The following PDE12 variants were observed in gnomAD, a reference collection of about 807,000 sequenced individuals.
PDE12 encodes 2',5'-phosphodiesterase 12.
PDE12 carries 26 observed loss-of-function variants against 45.4 expected under a neutral mutation model. The ratio of observed to expected loss-of-function variants is 0.57; its 90% confidence interval spans 0.42 to 0.79. PDE12 has a LOEUF of 0.79. Among genes scored for constraint, PDE12 ranks in the 30% least tolerant of loss-of-function variants. The pLI is 0.00. For synonymous variants in PDE12, 283 were observed against 323.9 expected, an observed-to-expected ratio of 0.87 and a Z score of 1.36; for missense variants, 668 against 790.0, an observed-to-expected ratio of 0.85 and a Z score of 1.85.
the PDE12 span, among the ~76,000 whole-genome samples, chr3:57,607,661 G>T: frequency 6.6e-6 from 1 of 152,120 alleles, no homozygotes; most frequent in African/African-American, 2.4e-5. Context: ...TCACATGAAT[G>T]AAATGAATCA....
the PDE12 span, chr3:57,634,791 T>C: frequency 1.3e-6 from 2 of 1,519,428 alleles, no homozygotes; most frequent in African/African-American, 2.8e-5. Flanking sequence ...AGCATAAAGA[T>C]TTTTATAATT....
At chr3:57,631,252 A>T in the PDE12 span, 4 of 326,240 alleles carry the variant, frequency 1.2e-5, no homozygotes, top group East Asian at 2.6e-4. Flanking sequence ...GCTGGAGTGC[A>T]ATGGCATGAT....
the PDE12 span, among the ~76,000 whole-genome samples, chr3:57,649,425 C>T: frequency 6.6e-6 from 1 of 151,684 alleles, no homozygotes; most frequent in Admixed American, 6.6e-5. Context: ...ACTAGTACAA[C>T]CACTATGGAA....
chr3:57,638,808 A>T, the PDE12 span, among the ~76,000 whole-genome samples: 1 of 151,702 alleles, frequency 6.6e-6, no homozygotes, highest in Non-Finnish European at 1.5e-5. Context: ...ATCAAAAAAA[A>T]TGAAAAATAA....
the PDE12 span, chr3:57,597,678 C>T: frequency 6.5e-6 from 1 of 153,638 alleles, no homozygotes; most frequent in Non-Finnish European, 1.5e-5. Flanking sequence ...GGGTGAGACG[C>T]TTCCGCCCGG....
At chr3:57,634,434 CAAAAAA>C in the PDE12 span, 78 of 280,498 alleles carry the variant, frequency 2.8e-4, no homozygotes, top group Middle Eastern at 1.1e-3. Context: ...CTCTGTCTCC[CAAAAAA>C]AAAAAAAAAA....
chr3:57,609,335 C>G, the PDE12 span, among the ~76,000 whole-genome samples: 1 of 151,994 alleles, frequency 6.6e-6, no homozygotes, highest in Admixed American at 6.6e-5. Flanking sequence ...ACTAGAGAAG[C>G]AAGAGCAAAC....
Position 57,560,285 on chromosome 3 carries a change from G to T in PDE12, c.*281G>T. On this transcript the variant is annotated 3_prime_UTR_variant, in exon 3 of 3. Transcript: ENST00000311180. Reference sequence around the variant, plus strand: ...CTCCAAATTGAGACTCTCAGAAAAGGAAGATTGAATTAGCGTGTTTTTTGT... The same window carrying T: ...CTCCAAATTGAGACTCTCAGAAAAGTAAGATTGAATTAGCGTGTTTTTTGT... The T allele has an allele frequency of 8.5e-7, 1 of 1,180,444 alleles. No homozygotes were observed. Among genetic ancestry groups the T allele is most frequent in the Non-Finnish European group, 1.0e-6 (1 of 953,084 alleles). 73.1% of individuals were successfully genotyped at this position (1,180,444 alleles called of 1,614,324 possible).
rs138526712 is a variant in PDE12, at chr3:57,563,058, G to A, written c.*3054G>A. The A allele has an allele frequency of 6.6e-6, 1 of 152,328 alleles. No individual in the cohort carries two copies. The highest frequency in any genetic ancestry group is 1.9e-4 in the East Asian group (1 of 5,190). 9.4% of individuals were successfully genotyped at this position (152,328 alleles called of 1,614,324 possible). On this transcript the variant is annotated 3_prime_UTR_variant, in exon 3 of 3. Coordinates refer to ENST00000311180, the MANE Select transcript of PDE12 (RefSeq NM_177966.7). ...ATTCTCCAGCCGTGAAATAAAGGCAGAGGTTCCCTGCAAACTAGTTTGGTT... is the reference window on the plus strand; with the variant it reads ...ATTCTCCAGCCGTGAAATAAAGGCAAAGGTTCCCTGCAAACTAGTTTGGTT...
rs1440402193 is a variant in PDE12, at chr3:57,556,891, G to T, written c.512G>T (p.Arg171Leu). The change falls in exon 1 of 3, where the codon CGC (arginine) becomes CTC (leucine). Residue 171 changes from arginine (R) to leucine (L), a missense_variant. By Grantham distance (102) the Arg-to-Leu change is moderately radical. Transcript: ENST00000311180. The surrounding 1 kb of genome is among the most constrained non-coding windows in gnomAD (Gnocchi z 5.0). Reference sequence around the variant, plus strand: ...GCCTTCACCGAACTGCAGTTGCCGCGCTACATCATGGCCGGGTTCCCTGTG... The same window carrying T: ...GCCTTCACCGAACTGCAGTTGCCGCTCTACATCATGGCCGGGTTCCCTGTG... ...PPAFTELQLPRYIMAGFPVCP... is the reference protein window; with the variant it reads ...PPAFTELQLPLYIMAGFPVCP... 6 of 1,614,046 alleles carry T rather than the reference G, an allele frequency of 3.7e-6. No individual in the cohort carries two copies. In the African/African-American group the frequency reaches 8.0e-5, roughly 22 times the overall value.
At chr3:57,654,752 C>T in the PDE12 span, 2 of 985,286 alleles carry the variant, frequency 2.0e-6, no homozygotes, top group African/African-American at 3.5e-5. Flanking sequence ...AGCGCCTACA[C>T]TCAACTGTAT....
At chr3:57,653,512 G>A in the PDE12 span, among the ~76,000 whole-genome samples, 1 of 152,070 alleles carries the variant, frequency 6.6e-6, no homozygotes, top group South Asian at 2.1e-4. Context: ...TTGGGAGGCT[G>A]AGGCGGGCAG....
the PDE12 span, among the ~76,000 whole-genome samples, chr3:57,645,505 G>A: frequency 6.6e-6 from 1 of 151,894 alleles, no homozygotes; most frequent in Non-Finnish European, 1.5e-5. Context: ...GCTCAAATAA[G>A]GTACTAACTC....
the PDE12 span, among the ~76,000 whole-genome samples, chr3:57,593,524 C>T: frequency 6.6e-6 from 1 of 152,182 alleles, no homozygotes; most frequent in Non-Finnish European, 1.5e-5. Context: ...TACAGAACTA[C>T]ACTGGCATAC....
At chr3:57,596,629 G>A in the PDE12 span, 1 of 178,216 alleles carries the variant, frequency 5.6e-6, no homozygotes, top group East Asian at 1.7e-4. Context: ...GGAGTATGCA[G>A]GGACTGTACA....
the PDE12 span, among the ~76,000 whole-genome samples, chr3:57,572,518 C>T: frequency 6.6e-5 from 10 of 151,676 alleles, no homozygotes; most frequent in Non-Finnish European, 1.5e-4. Context: ...CTTAGTAGTT[C>T]GAGACCAGCC....
the PDE12 span, chr3:57,633,298 A>G: frequency 1.2e-6 from 2 of 1,613,892 alleles, no homozygotes; most frequent in East Asian, 4.5e-5. Context: ...TCAGTTCCAA[A>G]AAATAGCGTC....
At chr3:57,631,747 G>C in the PDE12 span, among the ~76,000 whole-genome samples, 1 of 134,996 alleles carries the variant, frequency 7.4e-6, no homozygotes, top group African/African-American at 2.8e-5. Flanking sequence ...TTTTGAGACG[G>C]AGTCTCACTC....
rs888531708 is a variant in PDE12 at position 57,565,506 on chromosome 3, CTT to C, written c.*5505_*5506del. 4.6e-5 allele frequency: 7 copies of C among 152,152 alleles called. No homozygotes were observed. Among genetic ancestry groups the C allele is most frequent in the African/African-American group, 1.7e-4 (7 of 41,450 alleles). The allele number at this position is 152,152 out of a possible 1,614,324, so 9.4% of individuals were successfully genotyped here. On this transcript the variant is annotated 3_prime_UTR_variant, in exon 3 of 3. Coordinates refer to ENST00000311180, the MANE Select transcript of PDE12 (RefSeq NM_177966.7). ...GTTATTCTAAAATGTGATATACACA[CTT>C]TTAAAAGGATTTATTGCGCTGGGCG...
Sources: allele counts gnomAD v4.1 joint callset (sites outside exome capture counted in the v4.1 genomes callset), GRCh38; gene constraint gnomAD v4.1.1; non-coding constraint Gnocchi (gnomAD v3.1); transcripts MANE v1.5; gene names NCBI Gene and HGNC (gene_info 2026-07-23, HGNC 2026-07-21).